The following METTL15 variants were observed in gnomAD, a reference collection of about 807,000 sequenced individuals.
The protein encoded by METTL15 is methyltransferase 15, mitochondrial 12S rRNA N4-cytidine.
A neutral mutation model predicts 38.3 loss-of-function variants in METTL15; 34 were observed. The observed-to-expected ratio is 0.89, with a 90% CI of 0.68 to 1.18. METTL15 has a LOEUF of 1.18. METTL15 is among the 50% of genes most tolerant of loss of function. The pLI is 0.00. For missense variants in METTL15, 438 were observed against 498.4 expected, an observed-to-expected ratio of 0.88 and a Z score of 1.15; for synonymous variants, 162 against 170.9, an observed-to-expected ratio of 0.95 and a Z score of 0.41.
At chr11:28,465,345 C>G (rs917130210) in intron 6 of METTL15, among the ~76,000 whole-genome samples, 2 of 151,998 alleles carry the variant, frequency 1.3e-5, no homozygotes, top group African/African-American at 4.8e-5. Context: ...GGTCCTATGT[C>G]TTCTCCTTTT....
rs943314280 is a variant in METTL15 at position 28,204,404 on chromosome 11, A to G, written c.271-6658A>G. Among the ~76,000 whole-genome samples, 8 of 147,366 alleles carry G rather than the reference A, an allele frequency of 5.4e-5. No individual in the cohort carries two copies. The East Asian group carries it at 1.6e-3, about 29-fold the overall frequency. ...CTTACTAGTAATAGGATCTTAATCAAGTCACATTTTCTCTCTGCACCTGAG... is the reference window on the plus strand; with the variant it reads ...CTTACTAGTAATAGGATCTTAATCAGGTCACATTTTCTCTCTGCACCTGAG... On this transcript the variant is annotated intron_variant, in intron 3 of 6. Coordinates refer to ENST00000407364, the MANE Select transcript of METTL15 (RefSeq NM_001113528.2).
chr11:28,527,234 G>T (rs1000762830), downstream of METTL15, among the ~76,000 whole-genome samples: 2 of 152,134 alleles, frequency 1.3e-5, no homozygotes, highest in East Asian at 3.8e-4. Flanking sequence ...ACCTTTTGTT[G>T]TGTTGATTTT....
chr11:28,330,409 C>T lies in METTL15; in HGVS notation c.792C>T (p.Pro264=). ...LASIVAGAFP[P]SAIYTRKDLL... ...CATTTGTTTTAGGAGCATTTCCTCCCTCTGCTATTTATACACGGAAAGACT... is the reference window on the plus strand; with the variant it reads ...CATTTGTTTTAGGAGCATTTCCTCCTTCTGCTATTTATACACGGAAAGACT... Residue 264 remains proline (P), a synonymous_variant, in exon 7 of 7, where the codon CCC becomes CCT. Coordinates refer to ENST00000407364, the MANE Select transcript of METTL15 (RefSeq NM_001113528.2). The T allele has an allele frequency of 6.5e-7, 1 of 1,541,564 alleles. No homozygotes were observed. The highest frequency in any genetic ancestry group is 8.7e-7 in the Non-Finnish European group (1 of 1,143,604).
At chr11:28,399,992 GATA>G (rs1850614948) in intron 5 of METTL15, among the ~76,000 whole-genome samples, 1 of 151,898 alleles carries the variant, frequency 6.6e-6, no homozygotes, top group South Asian at 2.1e-4. Context: ...GAACTTTTAA[GATA>G]ATAAGACTTT....
intron 4 of METTL15, among the ~76,000 whole-genome samples, chr11:28,273,798 G>T (rs1181782191): frequency 6.6e-6 from 1 of 151,992 alleles, no homozygotes; most frequent in Non-Finnish European, 1.5e-5. Context: ...TATTTTATTA[G>T]TATAGGAAGT....
intron 3 of METTL15, among the ~76,000 whole-genome samples, chr11:28,341,615 G>A (rs1849953535): frequency 6.6e-6 from 1 of 152,126 alleles, no homozygotes; most frequent in Non-Finnish European, 1.5e-5. Context: ...TAAGGTGGGT[G>A]TATTAAACAT....
At chr11:28,387,053 T>C (rs1232620207) in intron 5 of METTL15, among the ~76,000 whole-genome samples, 1 of 151,762 alleles carries the variant, frequency 6.6e-6, no homozygotes, top group East Asian at 1.9e-4. Flanking sequence ...ATCCAGCAAA[T>C]GCAGTACTAA....
At chr11:28,214,201 A>G (rs539785493) in intron 4 of METTL15, among the ~76,000 whole-genome samples, 3 of 151,640 alleles carry the variant, frequency 2.0e-5, no homozygotes, top group African/African-American at 7.3e-5. Context: ...CACCTGTCTA[A>G]TTTTTTATTT....
intron 6 of METTL15, among the ~76,000 whole-genome samples, chr11:28,303,284 A>G (rs2134012206): frequency 6.6e-6 from 1 of 152,270 alleles, no homozygotes; most frequent in South Asian, 2.1e-4. Context: ...CTCATCTTAA[A>G]CTGGAGGCAA....
chr11:28,485,584 A>G (rs1851431588), intron 6 of METTL15, among the ~76,000 whole-genome samples: 1 of 152,204 alleles, frequency 6.6e-6, no homozygotes, highest in Non-Finnish European at 1.5e-5. Flanking sequence ...ATGCTGGGCA[A>G]GTATTGGGGT....
chr11:28,268,059 TA>T (rs1855497617), intron 4 of METTL15, among the ~76,000 whole-genome samples: 2 of 150,500 alleles, frequency 1.3e-5, no homozygotes, highest in African/African-American at 4.9e-5. Context: ...TAGCCGGGCA[TA>T]GTGGCGGGCG....
chr11:28,430,939 C>T (rs1208726178), intron 6 of METTL15, among the ~76,000 whole-genome samples: 21 of 91,364 alleles, frequency 2.3e-4, no homozygotes, highest in East Asian at 6.6e-4. Flanking sequence ...CCGCCCCGTC[C>T]GGGAGGTGAG....
intron 3 of METTL15, among the ~76,000 whole-genome samples, chr11:28,137,920 C>A (rs1428479826): frequency 1.3e-5 from 2 of 151,882 alleles, no homozygotes; most frequent in African/African-American, 4.8e-5. Flanking sequence ...AGAAGAAGAT[C>A]CAGTAATTGT....
At position 28,485,728 on chromosome 11, in the gene METTL15, G is replaced by T. The variant is rs185552162; in HGVS notation, c.*425-40750G>T. ...TTACAACAGTGTCTTAACCATCTCAGGTTGCCATAACAAAATACGTACTGG... is the reference window on the plus strand; with the variant it reads ...TTACAACAGTGTCTTAACCATCTCATGTTGCCATAACAAAATACGTACTGG... On this transcript the variant is annotated intron_variant and NMD_transcript_variant, in intron 6 of 7. Coordinates refer to the METTL15 transcript ENST00000532947. Among the ~76,000 whole-genome samples, 631 of 152,234 alleles carry T rather than the reference G, an allele frequency of 4.1e-3. 4 individuals carry two copies. Among genetic ancestry groups the T allele is most frequent in the Non-Finnish European group, 7.1e-3 (480 of 68,022 alleles).
intron 6 of METTL15, among the ~76,000 whole-genome samples, chr11:28,315,969 G>T (rs977735247): frequency 6.6e-6 from 1 of 152,252 alleles, no homozygotes; most frequent in Non-Finnish European, 1.5e-5. Flanking sequence ...GATGTTTGCT[G>T]CAGGGCTTGG....
At chr11:28,227,406 T>C (rs1853526310) in intron 4 of METTL15, among the ~76,000 whole-genome samples, 1 of 151,866 alleles carries the variant, frequency 6.6e-6, no homozygotes, top group African/African-American at 2.4e-5. Context: ...GTTTAGAACA[T>C]CTAGGAAGAC....
intron 4 of METTL15, among the ~76,000 whole-genome samples, chr11:28,239,791 A>G (rs966205183): frequency 2.0e-5 from 3 of 152,154 alleles, no homozygotes; most frequent in Non-Finnish European, 4.4e-5. Flanking sequence ...ACTTTTCTAT[A>G]TAAAGTATCA....
intron 4 of METTL15, among the ~76,000 whole-genome samples, chr11:28,244,121 C>A (rs1383450479): frequency 6.6e-6 from 1 of 152,064 alleles, no homozygotes; most frequent in Non-Finnish European, 1.5e-5. Flanking sequence ...AAACAAAAAA[C>A]CAAGAACATA....
chr11:28,233,022 A>G (rs923734621), intron 4 of METTL15, among the ~76,000 whole-genome samples: 16 of 152,082 alleles, frequency 1.1e-4, no homozygotes, highest in African/African-American at 3.9e-4. Flanking sequence ...AAGGAATTGA[A>G]GCGGACAACA....
Sources: gnomAD v4.1 joint callset for allele counts (sites outside exome capture counted in the v4.1 genomes callset) on GRCh38, gnomAD v4.1.1 for gene constraint, MANE v1.5 for transcripts, NCBI Gene and HGNC (gene_info 2026-07-23, HGNC 2026-07-21) for gene names.